ZNF688: variants seen among roughly 807,000 people sequenced by gnomAD.
ZNF688 encodes zinc finger protein 688.
In ZNF688, 10 loss-of-function variants were observed where a neutral mutation model predicts 13.2. That is an observed-to-expected ratio of 0.76 (90% CI 0.47 to 1.28). The LOEUF (loss-of-function observed/expected upper bound fraction) is 1.28, where lower values mean the gene tolerates loss of function less well. Ranked by LOEUF, ZNF688 falls within the 50% of genes most tolerant of loss-of-function variation. ZNF688 has a pLI of 0.00. For synonymous variants in ZNF688, 160 were observed against 159.4 expected, an observed-to-expected ratio of 1.00 and a Z score of -0.03; for missense variants, 381 against 391.4, an observed-to-expected ratio of 0.97 and a Z score of 0.22.
At chr16:30,572,402 G>A, upstream of ZNF688, 1 of 1,079,210 alleles carries the variant, frequency 9.3e-7, no homozygotes, top group East Asian at 3.1e-5. Flanking sequence ...TACACCCGCG[G>A]TAGAAGCAGG....
Position 30,570,126 on chromosome 16 carries a change from C to T in ZNF688, c.621G>A (p.Gly207=), listed in dbSNP as rs762687754. The T allele has an allele frequency of 2.5e-6, 4 of 1,611,378 alleles. No homozygotes were observed. The highest frequency in any genetic ancestry group is 1.1e-5 in the South Asian group (1 of 90,890). Residue 207 remains glycine (G), a synonymous_variant, in exon 3 of 3, where the codon GGG becomes GGA. Transcript: ENST00000223459. ...ACTCGGGGCAGGGGAAAGGCCGCTCCCCCGAGTGCATGCGCCTGTGGCTGA... is the reference window on the plus strand; with the variant it reads ...ACTCGGGGCAGGGGAAAGGCCGCTCTCCCGAGTGCATGCGCCTGTGGCTGA... ...LLVSHRRMHS[G]ERPFPCPECG...
chr16:30,569,767 T>C lies in ZNF688; in HGVS notation c.*149A>G. 6.4e-6 allele frequency: 6 copies of C among 932,008 alleles called. No individual in the cohort carries two copies. In the Middle Eastern group the frequency reaches 1.1e-3, roughly 173 times the overall value. The allele number at this position is 932,008 out of a possible 1,614,324, so 57.7% of individuals were successfully genotyped here. ...TCTATTCGAATCTTTACAGGCACTT[T>C]TCTTTTTACAAGTTGGAAACTTGAG... On this transcript the variant is annotated 3_prime_UTR_variant, in exon 3 of 3. Coordinates refer to ENST00000223459, the MANE Select transcript of ZNF688 (RefSeq NM_145271.4).
chr16:30,571,048 T>A lies in ZNF688; in HGVS notation c.272A>T (p.Asp91Val). 1 of 1,612,050 alleles carries A rather than the reference T, an allele frequency of 6.2e-7. No individual in the cohort carries two copies. The highest frequency in any genetic ancestry group is 1.7e-4 in the Middle Eastern group (1 of 6,050). ...ESEAWSPAAQDPEKGERLGGA... is the reference protein window; with the variant it reads ...ESEAWSPAAQVPEKGERLGGA... ...TCCCAGTCTTTCCCCCTTCTCAGGA[T>A]CCTGGGCGGCGGGGCTCCAAGCCTC... is the stretch of plus-strand genomic sequence containing the variant. The change falls in exon 2 of 3, where the codon GAT becomes GTT. Residue 91 changes from aspartate (D) to valine (V), a missense_variant. By Grantham distance (152) the Asp-to-Val change is radical. Transcript: ENST00000223459.
chr16:30,570,793 C>T (rs2051664389), intron 2 of ZNF688: 2 of 448,638 alleles, frequency 4.5e-6, no homozygotes, highest in South Asian at 4.9e-5. Context: ...CACTCTGTCA[C>T]CCAGGCTGGA....
Position 30,569,994 on chromosome 16 carries a change from A to T in ZNF688, c.753T>A (p.Pro251=). Residue 251 remains proline (P), a synonymous_variant, in exon 3 of 3, where the codon CCT becomes CCA. Coordinates refer to ENST00000223459, the MANE Select transcript of ZNF688 (RefSeq NM_145271.4). ...CCCGGTCACCTCGGACGGGGGCCCG[A>T]GGCACAGCCCGGATCCCAGGCCTCC... is the stretch of plus-strand genomic sequence containing the variant. ...RGRRPGIRAV[P]RAPVRGDRDP... 1 of 1,608,284 alleles carries T rather than the reference A, an allele frequency of 6.2e-7. No individual in the cohort carries two copies. The highest frequency in any genetic ancestry group is 1.1e-5 in the South Asian group (1 of 90,634).
rs1303520632 is a variant in ZNF688 at position 30,569,843 on chromosome 16, C to T, written c.*73G>A. On this transcript the variant is annotated 3_prime_UTR_variant, in exon 3 of 3. Transcript: ENST00000223459. ...TGAATTTCAGTTCCGGAGTCCCCGA[C>T]TCAGTGGCCCACCTCAGGGATCCGT... 1.2e-4 allele frequency: 181 copies of T among 1,479,018 alleles called. No homozygotes were observed. Among genetic ancestry groups the T allele is most frequent in the Non-Finnish European group, 1.6e-4 (179 of 1,114,854 alleles). 91.6% of individuals were successfully genotyped at this position (1,479,018 alleles called of 1,614,324 possible).
At chr16:30,578,878 GCCATC>G in the ZNF688 span, 2 of 146,292 alleles carry the variant, frequency 1.4e-5, no homozygotes, top group African/African-American at 5.1e-5. Context: ...CTGAAGTGGC[GCCATC>G]ATAGCTCACT....
Position 30,570,378 on chromosome 16 carries a change from A to G in ZNF688, c.369T>C (p.Pro123=). 6.2e-7 allele frequency: 1 copy of G among 1,613,938 alleles called. No homozygotes were observed. Among genetic ancestry groups the G allele is most frequent in the African/African-American group, 1.3e-5 (1 of 75,046 alleles). ...GACTCTCCTTCACAGGAGCCTTTCT[A>G]GGCCCTTTGGCTCTTGGGACTTCCT... The part of the protein sequence containing the change: ...EPEEVPRAKG[P]RKAPVKESPE... Residue 123 remains proline (P), a synonymous_variant, in exon 3 of 3, where the codon CCT becomes CCC. Coordinates refer to ENST00000223459, the MANE Select transcript of ZNF688 (RefSeq NM_145271.4).
At chr16:30,573,795 GATTAATT>G (rs1324620278), upstream of ZNF688, 3 of 276,564 alleles carry the variant, frequency 1.1e-5, no homozygotes, top group Non-Finnish European at 2.1e-5. Flanking sequence ...GTTATTAATT[GATTAATT>G]ATTAATTGTT....
chr16:30,576,036 G>A (rs2051743148), upstream of ZNF688, among the ~76,000 whole-genome samples: 1 of 152,100 alleles, frequency 6.6e-6, no homozygotes, highest in African/African-American at 2.4e-5. Flanking sequence ...ACTAAGGTAC[G>A]ATAATATCTC....
At chr16:30,578,450 A>G in the ZNF688 span, 1 of 152,252 alleles carries the variant, frequency 6.6e-6, no homozygotes, top group Non-Finnish European at 1.5e-5. Context: ...CACAACATAC[A>G]GGAGATGACT....
chr16:30,575,677 A>G (rs2151233545), upstream of ZNF688, among the ~76,000 whole-genome samples: 1 of 147,832 alleles, frequency 6.8e-6, no homozygotes, highest in South Asian at 2.1e-4. Context: ...TTTTTTGGAG[A>G]AGGAGTTTCA....
rs779601850 is a variant in ZNF688, at chr16:30,571,362, T to C, written c.196+72A>G. ...AGTGCGGGATTAGGGCTCACAGTCCTCTCGGCCCTTCTACATCATCTCCCC... is the reference window on the plus strand; with the variant it reads ...AGTGCGGGATTAGGGCTCACAGTCCCCTCGGCCCTTCTACATCATCTCCCC... On this transcript the variant is annotated intron_variant, in intron 1 of 2. Transcript: ENST00000223459. 7 of 1,535,338 alleles carry C rather than the reference T, an allele frequency of 4.6e-6. No homozygotes were observed. The Middle Eastern group carries it at 8.5e-4, about 186-fold the overall frequency.
At chr16:30,570,769 T>TTTA (rs2051663946) in intron 2 of ZNF688, 2 of 324,194 alleles carry the variant, frequency 6.2e-6, no homozygotes, top group Non-Finnish European at 1.1e-5. Context: ...TTATTTATTT[T>TTTA]TGAGACGGAG....
In ZNF688 at chr16:30,570,055, C is replaced by T. The variant is rs769408691; in HGVS notation, c.692G>A (p.Trp231Ter). 1 of 1,610,902 alleles carries T rather than the reference C, an allele frequency of 6.2e-7. No homozygotes were observed. The highest frequency in any genetic ancestry group is 8.5e-7 in the Non-Finnish European group (1 of 1,179,222). The change falls in exon 3 of 3, where the codon TGG becomes TAG. Residue 231 changes from tryptophan to a stop codon, truncating the protein, a stop_gained. Transcript: ENST00000223459. LOFTEE classifies it high-confidence loss of function. Reference protein sequence around the residue: ...KRKFAVEAHQWIHRSCSGGRR... With the variant: ...KRKFAVEAHQ ...CCCCCCGGAGCAGGAGCGGTGGATC[C>T]ACTGGTGCGCTTCCACTGCGAACTT...
At chr16:30,571,332 G>A in intron 1 of ZNF688, 102 bp downstream of exon 1, 1 of 1,535,092 alleles carries the variant, frequency 6.5e-7, no homozygotes, top group Non-Finnish European at 8.7e-7. Flanking sequence ...TGGTGTTGGT[G>A]CAAGAGTGCG....
chr16:30,570,992 C>A lies in ZNF688; in HGVS notation c.310+18G>T. ...AGCCCTGGAAAACCAAGTGGGGGGA[C>A]CCGGGACTATCCCTCACCTCTCCGA... On this transcript the variant is annotated intron_variant, in intron 2 of 2. Transcript: ENST00000223459. The A allele has an allele frequency of 6.2e-7, 1 of 1,613,536 alleles. No individual in the cohort carries two copies. The highest frequency in any genetic ancestry group is 1.1e-5 in the South Asian group (1 of 91,038).
chr16:30,574,779 T>G (rs1476334136), upstream of ZNF688, among the ~76,000 whole-genome samples: 1 of 152,196 alleles, frequency 6.6e-6, no homozygotes. Flanking sequence ...ACAGTCACCC[T>G]ACTCTGCTAT....
chr16:30,573,969 C>T, upstream of ZNF688: 1 of 293,700 alleles, frequency 3.4e-6, no homozygotes, highest in Non-Finnish European at 6.7e-6. Context: ...AATTTAGGCC[C>T]AGCCCAGTTG....
Sources: gnomAD v4.1 joint callset for allele counts (sites outside exome capture counted in the v4.1 genomes callset) on GRCh38, gnomAD v4.1.1 for gene constraint, MANE v1.5 for transcripts, NCBI Gene and HGNC (gene_info 2026-07-23, HGNC 2026-07-21) for gene names.